MYO1E: variants seen among roughly 807,000 people sequenced by gnomAD.
The protein encoded by MYO1E is myosin IE.
MYO1E carries 68 observed loss-of-function variants against 151.1 expected under a neutral mutation model. That is an observed-to-expected ratio of 0.45 (90% CI 0.37 to 0.55). The LOEUF is 0.55. Ranked by LOEUF, MYO1E falls within the 20% of genes least tolerant of loss-of-function variation. The pLI is 0.00. For missense variants in MYO1E, 1,363 were observed against 1,389.3 expected (o/e 0.98, Z 0.30); for synonymous variants, 601 against 501.7 (o/e 1.20, Z -2.64).
chr15:59,333,625 G>A (rs1172754392), intron 1 of MYO1E, among the ~76,000 whole-genome samples: 11 of 152,102 alleles, frequency 7.2e-5, no homozygotes, highest in African/African-American at 2.7e-4. Context: ...CACAACACTG[G>A]ACCTATTTCC....
rs1596447252 is a variant in MYO1E, at chr15:59,370,264, G to A, written c.3+2234C>T. ...GGAACACAAAATGAAGTATCATTTGGCTTGACAGAGTCTGACATAAACATT... is the reference window on the plus strand; with the variant it reads ...GGAACACAAAATGAAGTATCATTTGACTTGACAGAGTCTGACATAAACATT... On this transcript the variant is annotated intron_variant, in intron 1 of 27. Transcript: ENST00000288235. Among the ~76,000 whole-genome samples, 3 of 152,352 alleles carry A rather than the reference G, an allele frequency of 2.0e-5. No individual in the cohort carries two copies. The South Asian group carries it at 6.2e-4, about 32-fold the overall frequency.
intron 26 of MYO1E, among the ~76,000 whole-genome samples, chr15:59,151,239 A>C (rs1458282523): frequency 6.6e-6 from 1 of 151,962 alleles, no homozygotes; most frequent in Non-Finnish European, 1.5e-5. Context: ...CATCCTGGCC[A>C]ACATGGTGAA....
chr15:59,186,734 C>A (rs1018979892), intron 18 of MYO1E, among the ~76,000 whole-genome samples: 1 of 152,180 alleles, frequency 6.6e-6, no homozygotes, highest in Non-Finnish European at 1.5e-5. Flanking sequence ...AGTAATAGAG[C>A]AAGACTTTGT....
intron 1 of MYO1E, among the ~76,000 whole-genome samples, chr15:59,327,623 A>C (rs545559999): frequency 1.0e-3 from 158 of 152,172 alleles, no homozygotes; most frequent in South Asian, 6.4e-3. Context: ...CCATTTATTT[A>C]CTTTTTAAAC....
At chr15:59,228,028 G>T (rs1193923819) in intron 6 of MYO1E, among the ~76,000 whole-genome samples, 1 of 152,180 alleles carries the variant, frequency 6.6e-6, no homozygotes, top group Non-Finnish European at 1.5e-5. Context: ...ATCTAGAACG[G>T]AAACACTTTA....
At chr15:59,308,242 A>G (rs1237762897) in intron 1 of MYO1E, among the ~76,000 whole-genome samples, 7 of 142,380 alleles carry the variant, frequency 4.9e-5, no homozygotes, top group African/African-American at 1.8e-4. Flanking sequence ...AAAAAAAAAA[A>G]AAAAAAAAAT....
In MYO1E at chr15:59,170,575, C is replaced by T. The variant is rs537188063; in HGVS notation, c.2480+1322G>A. 5.9e-5 allele frequency among the ~76,000 whole-genome samples: 9 copies of T among 151,284 alleles called. No homozygotes were observed. In the South Asian group the frequency reaches 8.4e-4, roughly 14 times the overall value. The stretch of plus-strand genomic sequence containing the variant: ...GGAAGGCCTTCAGAAAATCAGTCAG[C>T]GCCTAGAGCTTTAAAAAAAAAACAA... On this transcript the variant is annotated intron_variant, in intron 22 of 27. Coordinates refer to ENST00000288235, the MANE Select transcript of MYO1E (RefSeq NM_004998.4).
intron 1 of MYO1E, among the ~76,000 whole-genome samples, chr15:59,353,664 G>A (rs1430892769): frequency 6.7e-6 from 1 of 150,360 alleles, no homozygotes; most frequent in Non-Finnish European, 1.5e-5. Context: ...GGCTGAGGCA[G>A]AAGAATCACT....
chr15:59,323,092 C>T (rs562105692), intron 1 of MYO1E, among the ~76,000 whole-genome samples: 6 of 147,606 alleles, frequency 4.1e-5, no homozygotes, highest in Non-Finnish European at 5.9e-5. Context: ...TGGTGTGAAC[C>T]CAGGAGGCAG....
chr15:59,181,123 C>A (rs143346940), intron 18 of MYO1E, among the ~76,000 whole-genome samples: 9 of 152,264 alleles, frequency 5.9e-5, no homozygotes, highest in Middle Eastern at 3.4e-3. Context: ...GGAGAACGCT[C>A]TCCACCACTC....
intron 4 of MYO1E, among the ~76,000 whole-genome samples, chr15:59,250,992 C>T (rs534818287): frequency 1.3e-5 from 2 of 152,140 alleles, no homozygotes; most frequent in African/African-American, 4.8e-5. Context: ...GTAAGAAGAC[C>T]ATTCCCATCC....
intron 9 of MYO1E, among the ~76,000 whole-genome samples, chr15:59,218,870 C>T (rs1304561345): frequency 6.6e-6 from 1 of 152,140 alleles, no homozygotes; most frequent in South Asian, 2.1e-4. Context: ...GTGTGGGAGA[C>T]ATGATCAAGA....
At chr15:59,216,590 G>GTATCTATCTATCTATCTATCTATC (rs1309666735) in intron 10 of MYO1E, among the ~76,000 whole-genome samples, 30 of 61,254 alleles carry the variant, frequency 4.9e-4, no homozygotes, top group African/African-American at 1.4e-3. Context: ...GTGTGTGTGT[G>GTATCTATCTATCTATCTATCTATC]TGTGTATCTA....
At chr15:59,279,218 G>A (rs1224078422) in intron 1 of MYO1E, among the ~76,000 whole-genome samples, 1 of 152,146 alleles carries the variant, frequency 6.6e-6, no homozygotes, top group African/African-American at 2.4e-5. Flanking sequence ...AAGTCCAAGT[G>A]TAGACACAGG....
chr15:59,369,922 G>T lies in MYO1E; in HGVS notation c.3+2576C>A, dbSNP rs1473451277. On this transcript the variant is annotated intron_variant, in intron 1 of 27. Coordinates refer to ENST00000288235, the MANE Select transcript of MYO1E (RefSeq NM_004998.4). ...ACACACTCACACAGAAGAAGTCCACGGTATAGGTGTTCTCCCTATAGCCCA... is the reference window on the plus strand; with the variant it reads ...ACACACTCACACAGAAGAAGTCCACTGTATAGGTGTTCTCCCTATAGCCCA... 2.6e-5 allele frequency among the ~76,000 whole-genome samples: 4 copies of T among 152,134 alleles called. No homozygotes were observed. The East Asian group carries it at 7.7e-4, about 29-fold the overall frequency.
chr15:59,254,633 T>C (rs1356803213), intron 4 of MYO1E, among the ~76,000 whole-genome samples: 1 of 152,154 alleles, frequency 6.6e-6, no homozygotes, highest in Non-Finnish European at 1.5e-5. Context: ...ATTCTACTAT[T>C]CTTTCTCATT....
intron 26 of MYO1E, among the ~76,000 whole-genome samples, chr15:59,149,044 T>C (rs1200420172): frequency 1.8e-5 from 1 of 56,384 alleles, no homozygotes; most frequent in African/African-American, 5.7e-5. Context: ...AACTGTTTTT[T>C]TTTTTTTGTT....
chr15:59,296,217 G>A (rs1484694419), intron 1 of MYO1E, among the ~76,000 whole-genome samples: 1 of 152,164 alleles, frequency 6.6e-6, no homozygotes, highest in Non-Finnish European at 1.5e-5. Flanking sequence ...GTAAGACGAG[G>A]AATTACAGTA....
chr15:59,342,831 A>G (rs1393197494), intron 1 of MYO1E, among the ~76,000 whole-genome samples: 1 of 152,296 alleles, frequency 6.6e-6, no homozygotes, highest in East Asian at 1.9e-4. Context: ...AACATCTTAT[A>G]ACCCATTATT....
Sources: gnomAD v4.1 joint callset for allele counts (sites outside exome capture counted in the v4.1 genomes callset) on GRCh38, gnomAD v4.1.1 for gene constraint, MANE v1.5 for transcripts, NCBI Gene and HGNC (gene_info 2026-07-23, HGNC 2026-07-21) for gene names.